Variants in SPTLC2 observed in about 807,000 individuals in gnomAD.
The protein encoded by SPTLC2 is serine palmitoyltransferase 2.
SPTLC2 carries 21 observed loss-of-function variants against 62.0 expected under a neutral mutation model. That is an observed-to-expected ratio of 0.34 (90% CI 0.24 to 0.49). The LOEUF is 0.49. Among genes scored for constraint, SPTLC2 ranks in the 20% least tolerant of loss-of-function variants. The pLI, the probability that SPTLC2 is intolerant of heterozygous loss-of-function variation, is 0.99. For missense variants in SPTLC2, 511 were observed against 713.0 expected, an observed-to-expected ratio of 0.72 and a Z score of 3.23; for synonymous variants, 261 against 261.8, an observed-to-expected ratio of 1.00 and a Z score of 0.03.
intron 5 of SPTLC2, among the ~76,000 whole-genome samples, chr14:77,567,453 C>T (rs1444950798): frequency 6.6e-6 from 1 of 152,186 alleles, no homozygotes; most frequent in East Asian, 1.9e-4. Flanking sequence ...CGTATTATAA[C>T]GTGAAGTCAA....
At chr14:77,569,027 A>G (rs180835920) in intron 5 of SPTLC2, among the ~76,000 whole-genome samples, 4 of 152,332 alleles carry the variant, frequency 2.6e-5, no homozygotes, top group Non-Finnish European at 4.4e-5. Flanking sequence ...TAGCGTTCCA[A>G]TAATGGAACA....
intron 9 of SPTLC2, among the ~76,000 whole-genome samples, chr14:77,538,520 T>C (rs1275092569): frequency 6.6e-6 from 1 of 152,244 alleles, no homozygotes; most frequent in Non-Finnish European, 1.5e-5. Flanking sequence ...AGAGAACTAA[T>C]AATTTCACCA....
chr14:77,599,349 A>C (rs1028633083), intron 1 of SPTLC2, among the ~76,000 whole-genome samples: 3 of 152,260 alleles, frequency 2.0e-5, no homozygotes, highest in African/African-American at 7.2e-5. Flanking sequence ...CCTCTCAGGC[A>C]ATCTGATCAG....
Position 77,557,161 on chromosome 14 carries a change from A to C in SPTLC2, c.851-15T>G. The C allele has an allele frequency of 6.2e-7, 1 of 1,600,734 alleles. No individual in the cohort carries two copies. Among genetic ancestry groups the C allele is most frequent in the Non-Finnish European group, 8.5e-7 (1 of 1,169,700 alleles). Reference sequence around the variant, plus strand: ...GCTTTGCATATCTACAGAGCACAAAAAAGAACAGTTATACCGCATCTTCCT... The same window carrying C: ...GCTTTGCATATCTACAGAGCACAAACAAGAACAGTTATACCGCATCTTCCT... On this transcript the variant is annotated splice_polypyrimidine_tract_variant and intron_variant, in intron 6 of 11. Coordinates refer to ENST00000216484, the MANE Select transcript of SPTLC2 (RefSeq NM_004863.4).
At chr14:77,581,501 C>A (rs967117923) in intron 2 of SPTLC2, among the ~76,000 whole-genome samples, 7 of 149,170 alleles carry the variant, frequency 4.7e-5, no homozygotes, top group Non-Finnish European at 1.0e-4. Flanking sequence ...ACCTCTGCCT[C>A]CCAGGTTCAA....
chr14:77,616,570 C>G lies in SPTLC2; in HGVS notation c.10G>C (p.Glu4Gln). Residue 4 changes from glutamate to glutamine, a missense_variant, in exon 1 of 12, where the codon GAG becomes CAG. Coordinates refer to ENST00000216484, the MANE Select transcript of SPTLC2 (RefSeq NM_004863.4). MRPEPGGCCCRRTV... is the reference protein window; with the variant it reads MRPQPGGCCCRRTV... ...CGGCGGCAGCAGCAGCCTCCGGGCT[C>G]CGGCCGCATCTTCCTGGCAGCACCA... 1.3e-6 allele frequency: 2 copies of G among 1,537,996 alleles called. No homozygotes were observed. Among genetic ancestry groups the G allele is most frequent in the Middle Eastern group, 1.7e-4 (1 of 5,846 alleles).
At chr14:77,591,713 TG>T (rs879792748) in intron 2 of SPTLC2, among the ~76,000 whole-genome samples, 54 of 142,886 alleles carry the variant, frequency 3.8e-4, no homozygotes, top group Non-Finnish European at 6.7e-4. Flanking sequence ...TATGTATGTA[TG>T]TATGTATGTA....
chr14:77,512,983 G>A (rs2079340103), intron 11 of SPTLC2, among the ~76,000 whole-genome samples: 1 of 142,062 alleles, frequency 7.0e-6, no homozygotes, highest in South Asian at 2.4e-4. Flanking sequence ...CCAAAGTGTT[G>A]GGATTATAGG....
chr14:77,568,570 A>G (rs1282805103), intron 5 of SPTLC2, among the ~76,000 whole-genome samples: 1 of 151,994 alleles, frequency 6.6e-6, no homozygotes, highest in Non-Finnish European at 1.5e-5. Context: ...GCACTTTGGG[A>G]GGCCGAGGCA....
chr14:77,570,858 T>C (rs1233470241), intron 4 of SPTLC2, among the ~76,000 whole-genome samples: 1 of 149,632 alleles, frequency 6.7e-6, no homozygotes, highest in African/African-American at 2.5e-5. Context: ...AGCTGCTATG[T>C]AAAACAATCT....
intron 10 of SPTLC2, among the ~76,000 whole-genome samples, chr14:77,520,735 G>A (rs2079381260): frequency 6.6e-6 from 1 of 152,178 alleles, no homozygotes; most frequent in Non-Finnish European, 1.5e-5. Flanking sequence ...TTTCCATTAT[G>A]TATGCCTCAT....
intron 2 of SPTLC2, among the ~76,000 whole-genome samples, chr14:77,581,568 GC>G (rs2079751342): frequency 6.6e-6 from 1 of 151,778 alleles, no homozygotes; most frequent in Non-Finnish European, 1.5e-5. Flanking sequence ...CTGCCACCAT[GC>G]CCAGCTAATT....
At position 77,616,452 on chromosome 14, in the gene SPTLC2, CCGGCGGCGGCTG is replaced by C. The variant is rs759802248; in HGVS notation, c.116_127del (p.Ala39_Ala42del). 6.7e-6 allele frequency: 10 copies of C among 1,484,066 alleles called. No homozygotes were observed. In the East Asian group the frequency reaches 2.9e-4, roughly 43 times the overall value. 91.9% of individuals were successfully genotyped at this position (1,484,066 alleles called of 1,614,324 possible). A position where few individuals can be genotyped will look rare whatever the true frequency, so the allele number is the denominator to read the frequency against. The stretch of plus-strand genomic sequence containing the variant: ...CGCCGCGCGGGCCCCTCGTACCTGG[CCGGCGGCGGCTG>C]CGGCTGCGGCTGCAGCGCTGCTCCT... On this transcript the variant is annotated inframe_deletion, in exon 1 of 12. Transcript: ENST00000216484.
chr14:77,526,144 A>G (rs1219315757), intron 9 of SPTLC2, among the ~76,000 whole-genome samples: 1 of 152,216 alleles, frequency 6.6e-6, no homozygotes, highest in Admixed American at 6.5e-5. Context: ...CTTTGCTCTT[A>G]AAGTGAAACT....
chr14:77,615,478 C>T (rs2079961488), intron 1 of SPTLC2, among the ~76,000 whole-genome samples: 1 of 152,178 alleles, frequency 6.6e-6, no homozygotes, highest in Non-Finnish European at 1.5e-5. Context: ...ACTTTCTAAG[C>T]GTTCCTTAAT....
In SPTLC2 at chr14:77,616,517, C is replaced by T; in HGVS notation, c.63G>A (p.Ala21=). 3 of 1,534,768 alleles carry T rather than the reference C, an allele frequency of 2.0e-6. No homozygotes were observed. The highest frequency in any genetic ancestry group is 2.6e-6 in the Non-Finnish European group (3 of 1,146,034). Residue 21 remains alanine (A), a synonymous_variant, in exon 1 of 12, where the codon GCG becomes GCA. Coordinates refer to ENST00000216484, the MANE Select transcript of SPTLC2 (RefSeq NM_004863.4). ...CGTACCCGTTCCGTACTTCCCCGTT[C>T]GCCACGCAGCCATTCGCCCGCACCG... ...RRTVRANGCV[A]NGEVRNGYVR... is the part of the protein sequence containing the mutation.
At position 77,551,054 on chromosome 14, in the gene SPTLC2, T is replaced by C. The variant is rs17824700; in HGVS notation, c.1303+1042A>G. Reference sequence around the variant, plus strand: ...AGAGTGGAGAGCTCATGGCTGATAATGTGAAATCTTTTACAAATGCCAAAC... The same window carrying C: ...AGAGTGGAGAGCTCATGGCTGATAACGTGAAATCTTTTACAAATGCCAAAC... On this transcript the variant is annotated intron_variant, in intron 9 of 11. Transcript: ENST00000216484. Among the ~76,000 whole-genome samples, 301 of 152,016 alleles carry C rather than the reference T, an allele frequency of 2.0e-3. 3 individuals are homozygous for C. The highest frequency in any genetic ancestry group is 3.4e-3 in the Admixed American group (52 of 15,276).
Position 77,567,120 on chromosome 14 carries a change from G to A in SPTLC2, c.756+3264C>T, listed in dbSNP as rs575666673. On this transcript the variant is annotated intron_variant, in intron 5 of 11. Transcript: ENST00000216484. ...AGAGTAGCTGGGACTACAGGCACCC[G>A]CCACCACGCCCGGCTAATTTGTTGT... 4.3e-3 allele frequency among the ~76,000 whole-genome samples: 654 copies of A among 152,026 alleles called. 4 individuals carry two copies. Among genetic ancestry groups the A allele is most frequent in the African/African-American group, 0.014 (585 of 41,446 alleles).
At chr14:77,514,114 T>C (rs2079347410) in intron 11 of SPTLC2, among the ~76,000 whole-genome samples, 1 of 151,708 alleles carries the variant, frequency 6.6e-6, no homozygotes, top group Non-Finnish European at 1.5e-5. Flanking sequence ...GGCTGGGAGA[T>C]GGAGGCTGCA....
Sources: allele counts gnomAD v4.1 joint callset (sites outside exome capture counted in the v4.1 genomes callset), GRCh38; gene constraint gnomAD v4.1.1; transcripts MANE v1.5; gene names NCBI Gene and HGNC (gene_info 2026-07-23, HGNC 2026-07-21).